Variants in PABPC4L observed in about 807,000 individuals in gnomAD.
PABPC4L encodes poly(A) binding protein cytoplasmic 4 like, also known as polyadenylate-binding protein 4-like.
For missense variants in PABPC4L, 452 were observed against 451.4 expected (o/e 1.00, Z -0.01); for synonymous variants, 169 against 164.1 (o/e 1.03, Z -0.23).
At chr4:134,079,798 G>A in the PABPC4L span, among the ~76,000 whole-genome samples, 1 of 151,622 alleles carries the variant, frequency 6.6e-6, no homozygotes, top group African/African-American at 2.4e-5. Flanking sequence ...AATAGCCAAG[G>A]TCCTTGGAAA....
the PABPC4L span, among the ~76,000 whole-genome samples, chr4:134,180,058 C>T: frequency 1.9e-3 from 293 of 152,204 alleles, 3 homozygotes; most frequent in Admixed American, 4.5e-3. Flanking sequence ...TAATACACAT[C>T]AACAGGACTC....
At chr4:133,957,202 C>A in the PABPC4L span, among the ~76,000 whole-genome samples, 1 of 152,192 alleles carries the variant, frequency 6.6e-6, no homozygotes, top group Non-Finnish European at 1.5e-5. Context: ...GAGGTAATTA[C>A]TTCCTAGATA....
the PABPC4L span, among the ~76,000 whole-genome samples, chr4:134,134,342 T>C: frequency 2.6e-5 from 4 of 152,022 alleles, no homozygotes; most frequent in Non-Finnish European, 5.9e-5. Flanking sequence ...ACTAGTTGCA[T>C]ATATTTATCT....
At chr4:134,176,771 G>A in the PABPC4L span, among the ~76,000 whole-genome samples, 1 of 152,128 alleles carries the variant, frequency 6.6e-6, no homozygotes, top group South Asian at 2.1e-4. Flanking sequence ...GAAAGGGTAA[G>A]TAAGGGTGCC....
the PABPC4L span, among the ~76,000 whole-genome samples, chr4:133,959,262 G>A: frequency 6.6e-6 from 1 of 152,036 alleles, no homozygotes; most frequent in Non-Finnish European, 1.5e-5. Flanking sequence ...AACCTAACAG[G>A]TGAAAAAATA....
At chr4:133,950,598 G>A in the PABPC4L span, among the ~76,000 whole-genome samples, 3 of 152,106 alleles carry the variant, frequency 2.0e-5, no homozygotes. Flanking sequence ...CCATCAGGGA[G>A]CACCCATCTT....
the PABPC4L span, among the ~76,000 whole-genome samples, chr4:134,081,241 G>A: frequency 6.6e-6 from 1 of 152,112 alleles, no homozygotes; most frequent in South Asian, 2.1e-4. Context: ...AGATGTGGTG[G>A]AATGGGGTTT....
At chr4:134,064,686 T>G in the PABPC4L span, among the ~76,000 whole-genome samples, 1 of 152,200 alleles carries the variant, frequency 6.6e-6, no homozygotes, top group Middle Eastern at 3.4e-3. Flanking sequence ...GTGTACAGAT[T>G]ATTTTGTCAC....
the PABPC4L span, among the ~76,000 whole-genome samples, chr4:134,124,235 G>A: frequency 6.6e-6 from 1 of 152,034 alleles, no homozygotes; most frequent in Non-Finnish European, 1.5e-5. Context: ...AAAGCACTCA[G>A]GGTACATAAG....
At chr4:134,095,342 T>C in the PABPC4L span, among the ~76,000 whole-genome samples, 1 of 152,082 alleles carries the variant, frequency 6.6e-6, no homozygotes, top group Non-Finnish European at 1.5e-5. Flanking sequence ...ATACAATAGC[T>C]ATATATGGAA....
chr4:134,067,470 A>G, the PABPC4L span, among the ~76,000 whole-genome samples: 18 of 152,156 alleles, frequency 1.2e-4, no homozygotes, highest in African/African-American at 4.3e-4. Context: ...TATTCTTTCA[A>G]TAAACCAACT....
chr4:134,118,351 T>G, the PABPC4L span, among the ~76,000 whole-genome samples: 1 of 151,850 alleles, frequency 6.6e-6, no homozygotes, highest in Non-Finnish European at 1.5e-5. Flanking sequence ...TTTTCAGGTC[T>G]ATGTGGAATA....
the PABPC4L span, among the ~76,000 whole-genome samples, chr4:134,043,121 C>T: frequency 3.9e-5 from 6 of 152,092 alleles, no homozygotes; most frequent in Non-Finnish European, 8.8e-5. Context: ...AATAAAGTAA[C>T]CTCCTTCCAG....
At chr4:134,056,159 TG>T in the PABPC4L span, among the ~76,000 whole-genome samples, 2 of 152,048 alleles carry the variant, frequency 1.3e-5, no homozygotes, top group East Asian at 3.9e-4. Flanking sequence ...TGCGCTATAC[TG>T]TTTTATTGAT....
the PABPC4L span, among the ~76,000 whole-genome samples, chr4:134,054,244 TTGTATA>T: frequency 0.018 from 1,653 of 92,778 alleles, 34 homozygotes; most frequent in Non-Finnish European, 0.025. Flanking sequence ...ACTACTTTAG[TTGTATA>T]TGTATATATA....
chr4:134,130,894 A>G, the PABPC4L span, among the ~76,000 whole-genome samples: 2 of 152,178 alleles, frequency 1.3e-5, no homozygotes, highest in African/African-American at 4.8e-5. Flanking sequence ...AACATACAAA[A>G]GTAAATAAAT....
the PABPC4L span, among the ~76,000 whole-genome samples, chr4:134,114,792 T>C: frequency 6.6e-6 from 1 of 151,918 alleles, no homozygotes; most frequent in Non-Finnish European, 1.5e-5. Flanking sequence ...ATAAATATCT[T>C]TGGTATTGAT....
chr4:134,006,833 G>T, the PABPC4L span, among the ~76,000 whole-genome samples: 1 of 151,544 alleles, frequency 6.6e-6, no homozygotes, highest in Non-Finnish European at 1.5e-5. Context: ...ATTTTATGTA[G>T]TTTTACTTAT....
the PABPC4L span, among the ~76,000 whole-genome samples, chr4:133,957,926 C>T: frequency 6.6e-6 from 1 of 152,188 alleles, no homozygotes; most frequent in African/African-American, 2.4e-5. Flanking sequence ...GGGCCCTGTG[C>T]CCAGCCTAGG....
Sources: allele counts gnomAD v4.1 joint callset (sites outside exome capture counted in the v4.1 genomes callset), GRCh38; gene constraint gnomAD v4.1.1; transcripts MANE v1.5; gene names NCBI Gene and HGNC (gene_info 2026-07-23, HGNC 2026-07-21).